UHRF2: variants seen among roughly 807,000 people sequenced by gnomAD.
UHRF2 encodes ubiquitin like with PHD and ring finger domains 2, also known as E3 ubiquitin-protein ligase UHRF2.
Under a neutral mutation model 96.8 loss-of-function variants are expected in UHRF2, and 23 were observed. The observed-to-expected ratio is 0.24, with a 90% CI of 0.17 to 0.34. The LOEUF (loss-of-function observed/expected upper bound fraction) is 0.34. Ranked by LOEUF, UHRF2 falls within the 10% of genes least tolerant of loss-of-function variation. UHRF2 has a pLI of 1.00. For synonymous variants in UHRF2, 385 were observed against 332.6 expected (o/e 1.16, Z -1.72); for missense variants, 685 against 981.5 (o/e 0.70, Z 4.04).
intron 4 of UHRF2, among the ~76,000 whole-genome samples, chr9:6,474,267 G>A (rs955809994): frequency 1.5e-4 from 23 of 152,162 alleles, no homozygotes; most frequent in African/African-American, 5.5e-4. Flanking sequence ...TTAAAGAAAA[G>A]GTGGAAGGAT....
At chr9:6,446,663 C>G (rs1212830038) in intron 3 of UHRF2, among the ~76,000 whole-genome samples, 1 of 151,684 alleles carries the variant, frequency 6.6e-6, no homozygotes, top group Non-Finnish European at 1.5e-5. Flanking sequence ...ACCAGCCTGG[C>G]CAACGTGGTG....
rs573191898 is a variant in UHRF2 at position 6,424,066 on chromosome 9, T to C, written c.384+2924T>C. Among the ~76,000 whole-genome samples, 7 of 152,314 alleles carry C rather than the reference T, an allele frequency of 4.6e-5. No individual in the cohort carries two copies. In the South Asian group the frequency reaches 1.0e-3, roughly 23 times the overall value. ...AAGACGAGCTAGACAAGGAAGCCAA[T>C]TCATGCTTCCTTATTTGACATCTTT... On this transcript the variant is annotated intron_variant, in intron 2 of 15. Transcript: ENST00000276893.
chr9:6,469,991 A>G (rs929192736), intron 4 of UHRF2, among the ~76,000 whole-genome samples: 1 of 152,170 alleles, frequency 6.6e-6, no homozygotes, highest in Non-Finnish European at 1.5e-5. Context: ...CTAAAAACTA[A>G]AGATAACACA....
At chr9:6,427,740 C>G (rs1177939641) in intron 2 of UHRF2, among the ~76,000 whole-genome samples, 1 of 152,110 alleles carries the variant, frequency 6.6e-6, no homozygotes, top group African/African-American at 2.4e-5. Context: ...TTATTTTGCT[C>G]TGTTTGATAA....
At chr9:6,415,465 G>A (rs1437466152) in intron 1 of UHRF2, 1 of 152,164 alleles carries the variant, frequency 6.6e-6, no homozygotes, top group Admixed American at 6.5e-5. Context: ...AGTAGCTATG[G>A]CAATGAGTGT....
At chr9:6,444,939 T>G (rs1248977382) in intron 3 of UHRF2, among the ~76,000 whole-genome samples, 2 of 151,752 alleles carry the variant, frequency 1.3e-5, no homozygotes, top group Non-Finnish European at 2.9e-5. Context: ...ACGCTGGCCA[T>G]TAAGTATACG....
intron 3 of UHRF2, among the ~76,000 whole-genome samples, chr9:6,454,501 T>C (rs1437184409): frequency 1.3e-5 from 2 of 152,216 alleles, no homozygotes; most frequent in Non-Finnish European, 2.9e-5. Flanking sequence ...GTACCTTCTC[T>C]TTCCTATGTC....
intron 3 of UHRF2, among the ~76,000 whole-genome samples, chr9:6,439,003 A>G (rs868191774): frequency 1.3e-5 from 2 of 152,246 alleles, no homozygotes; most frequent in African/African-American, 2.4e-5. Flanking sequence ...ATTCTAAAAT[A>G]TAACTGAAAT....
At chr9:6,491,701 A>G (rs1049909820) in intron 9 of UHRF2, among the ~76,000 whole-genome samples, 1 of 152,152 alleles carries the variant, frequency 6.6e-6, no homozygotes, top group Non-Finnish European at 1.5e-5. Context: ...GGAGAAGAAT[A>G]GAGGTTGGGA....
chr9:6,456,183 A>G (rs1822161142), intron 3 of UHRF2, among the ~76,000 whole-genome samples: 1 of 152,088 alleles, frequency 6.6e-6, no homozygotes, highest in Non-Finnish European at 1.5e-5. Flanking sequence ...GGCTACATGT[A>G]AAAACTAGAA....
rs1823962612 is a variant in UHRF2, at chr9:6,482,107, T to C, written c.1392+8T>C. The C allele has an allele frequency of 6.2e-7, 1 of 1,611,098 alleles. No individual in the cohort carries two copies. Among genetic ancestry groups the C allele is most frequent in the South Asian group, 1.1e-5 (1 of 90,904 alleles). ...TGGAGATTTAGAGTTCAGGTATGTT[T>C]TAACTTGGGCTTAGTTGAAAGGGGA... On this transcript the variant is annotated splice_region_variant and intron_variant, in intron 8 of 15. Coordinates refer to ENST00000276893, the MANE Select transcript of UHRF2 (RefSeq NM_152896.3).
At chr9:6,440,788 C>A (rs1251711084) in intron 3 of UHRF2, among the ~76,000 whole-genome samples, 1 of 152,212 alleles carries the variant, frequency 6.6e-6, no homozygotes, top group Non-Finnish European at 1.5e-5. Flanking sequence ...TGTTCCTCAA[C>A]CCTGGCTACA....
intron 2 of UHRF2, 97 bp from the exon 3 acceptor site, chr9:6,433,817 T>G (rs1587784357): frequency 7.7e-7 from 1 of 1,291,358 alleles, no homozygotes; most frequent in East Asian, 2.4e-5. Flanking sequence ...GCAAATATTG[T>G]TTACCATGAT....
chr9:6,487,829 CTTT>C (rs1327161615), intron 9 of UHRF2, among the ~76,000 whole-genome samples: 1 of 152,180 alleles, frequency 6.6e-6, no homozygotes, highest in Non-Finnish European at 1.5e-5. Flanking sequence ...GGTCATTCTT[CTTT>C]AAGTTTTCTC....
chr9:6,440,273 T>A (rs757642159), intron 3 of UHRF2, among the ~76,000 whole-genome samples: 1 of 152,212 alleles, frequency 6.6e-6, no homozygotes, highest in Non-Finnish European at 1.5e-5. Flanking sequence ...GAATGTTGTC[T>A]TATGTGCCGG....
At chr9:6,450,064 C>T (rs1387761717) in intron 3 of UHRF2, among the ~76,000 whole-genome samples, 1 of 152,070 alleles carries the variant, frequency 6.6e-6, no homozygotes, top group Non-Finnish European at 1.5e-5. Flanking sequence ...TAGAGGAGTC[C>T]TGTGAGTTCT....
chr9:6,436,933 G>C (rs1161649120), intron 3 of UHRF2, among the ~76,000 whole-genome samples: 1 of 152,112 alleles, frequency 6.6e-6, no homozygotes, highest in East Asian at 1.9e-4. Flanking sequence ...AAAAATGAAA[G>C]ATAACAGAAG....
In UHRF2 at chr9:6,472,461, A is replaced by G. The variant is rs139975960; in HGVS notation, c.864-2930A>G. Among the ~76,000 whole-genome samples, 105 of 152,364 alleles carry G rather than the reference A, an allele frequency of 6.9e-4. 1 individual carries two copies. The Middle Eastern group carries it at 0.027, about 39-fold the overall frequency. Reference sequence around the variant, plus strand: ...AAGTCAAGCCAAACTAGCCTTTAGTATAACAGCTATAGACAAATTGTCATT... The same window carrying G: ...AAGTCAAGCCAAACTAGCCTTTAGTGTAACAGCTATAGACAAATTGTCATT... On this transcript the variant is annotated intron_variant, in intron 4 of 15. Coordinates refer to ENST00000276893, the MANE Select transcript of UHRF2 (RefSeq NM_152896.3).
chr9:6,423,189 AG>A (rs1820036578), intron 2 of UHRF2, among the ~76,000 whole-genome samples: 1 of 152,252 alleles, frequency 6.6e-6, no homozygotes, highest in Non-Finnish European at 1.5e-5. Flanking sequence ...AGAAAGATTA[AG>A]AAGAGATTAG....
Sources: gnomAD v4.1 joint callset for allele counts (sites outside exome capture counted in the v4.1 genomes callset) on GRCh38, gnomAD v4.1.1 for gene constraint, MANE v1.5 for transcripts, NCBI Gene and HGNC (gene_info 2026-07-23, HGNC 2026-07-21) for gene names.